LRMDA: variants seen among roughly 807,000 people sequenced by gnomAD.
LRMDA encodes the protein leucine-rich melanocyte differentiation-associated protein.
In LRMDA, 18 loss-of-function variants were observed where a neutral mutation model predicts 29.8. That is an observed-to-expected ratio of 0.60 (90% CI 0.42 to 0.90). The LOEUF (loss-of-function observed/expected upper bound fraction) is 0.90. LRMDA is among the 40% of genes least tolerant of loss of function. The pLI, the probability that LRMDA is intolerant of heterozygous loss-of-function variation, is 0.00. For missense variants in LRMDA, 273 were observed against 273.9 expected, an observed-to-expected ratio of 1.00 and a Z score of 0.02; for synonymous variants, 125 against 109.4, an observed-to-expected ratio of 1.14 and a Z score of -0.89.
intron 2 of LRMDA, among the ~76,000 whole-genome samples, chr10:75,918,449 A>C (rs1412479800): frequency 6.6e-6 from 1 of 152,068 alleles, no homozygotes; most frequent in Non-Finnish European, 1.5e-5. Context: ...GGAGCGAGCG[A>C]GAGAGAGGAG....
chr10:75,671,607 A>T (rs1353937127), intron 2 of LRMDA, among the ~76,000 whole-genome samples: 1 of 152,108 alleles, frequency 6.6e-6, no homozygotes, highest in African/African-American at 2.4e-5. Flanking sequence ...GGGCACAGGG[A>T]GGGCAACATC....
chr10:75,431,982 C>T (rs1844204067), intron 1 of LRMDA, among the ~76,000 whole-genome samples: 1 of 152,214 alleles, frequency 6.6e-6, no homozygotes, highest in African/African-American at 2.4e-5. Flanking sequence ...CGCAAGGTCT[C>T]CCGTTCTCCC....
intron 2 of LRMDA, among the ~76,000 whole-genome samples, chr10:75,835,807 G>C (rs1589223357): frequency 1.3e-5 from 2 of 152,146 alleles, no homozygotes; most frequent in African/African-American, 2.4e-5. Flanking sequence ...ATTGCAATGA[G>C]GTGCTTCTTT....
chr10:75,551,723 AT>A lies in LRMDA; in HGVS notation c.131+113237del, dbSNP rs1244949515. Among the ~76,000 whole-genome samples, 7 of 151,844 alleles carry A rather than the reference AT, an allele frequency of 4.6e-5. No individual in the cohort carries two copies. The South Asian group carries it at 8.3e-4, about 18-fold the overall frequency. On this transcript the variant is annotated intron_variant, in intron 2 of 6. Transcript: ENST00000611255. ...GTATACGTGCCACATTGAGTCAGCT[AT>A]TTTTTTTGAGAGGCTAAAATTAAGA...
intron 2 of LRMDA, among the ~76,000 whole-genome samples, chr10:75,737,635 ACAC>A (rs1842782140): frequency 6.6e-6 from 1 of 152,214 alleles, no homozygotes; most frequent in Non-Finnish European, 1.5e-5. Flanking sequence ...CTTCACAAAT[ACAC>A]CACATGAAAC....
At chr10:75,873,799 G>A (rs1395869900) in intron 2 of LRMDA, among the ~76,000 whole-genome samples, 2 of 152,156 alleles carry the variant, frequency 1.3e-5, no homozygotes, top group Non-Finnish European at 2.9e-5. Context: ...TCCAGCTAAT[G>A]TCATCAGCGG....
chr10:76,400,037 C>T (rs570491506), intron 6 of LRMDA, among the ~76,000 whole-genome samples: 85 of 152,072 alleles, frequency 5.6e-4, no homozygotes, highest in African/African-American at 1.9e-3. Flanking sequence ...AGCAGATTAT[C>T]GAAAAAAGTA....
chr10:75,698,301 A>C (rs1164451970), intron 2 of LRMDA, among the ~76,000 whole-genome samples: 2 of 152,150 alleles, frequency 1.3e-5, no homozygotes, highest in Non-Finnish European at 2.9e-5. Context: ...CAACTCCCTT[A>C]GCATCTCTCG....
intron 5 of LRMDA, among the ~76,000 whole-genome samples, chr10:76,204,209 TGTCCACCCATCTCTATTCCATGTGCCC>T (rs1564684707): frequency 7.5e-6 from 1 of 132,626 alleles, no homozygotes; most frequent in Non-Finnish European, 1.6e-5. Flanking sequence ...TCCATGTGCC[TGTCCACCCATCTCTATTCCATGTGCCC>T]GTCCACCCAT....
chr10:76,010,041 A>G (rs1847748072), intron 2 of LRMDA, among the ~76,000 whole-genome samples: 1 of 152,036 alleles, frequency 6.6e-6, no homozygotes, highest in African/African-American at 2.4e-5. Flanking sequence ...TCCCCAAATC[A>G]GCATAGCAGC....
intron 5 of LRMDA, among the ~76,000 whole-genome samples, chr10:76,253,866 C>A (rs1475560406): frequency 6.6e-6 from 1 of 152,078 alleles, no homozygotes. Flanking sequence ...CATAAGCTCT[C>A]TAGGGCCTCA....
At position 75,563,078 on chromosome 10, in the gene LRMDA, C is replaced by T. The variant is rs562697023; in HGVS notation, c.131+124584C>T. Among the ~76,000 whole-genome samples, 20 of 152,172 alleles carry T rather than the reference C, an allele frequency of 1.3e-4. No homozygotes were observed. In the East Asian group the frequency reaches 3.9e-3, roughly 29 times the overall value. On this transcript the variant is annotated intron_variant, in intron 2 of 6. Coordinates refer to ENST00000611255, the MANE Select transcript of LRMDA (RefSeq NM_001305581.2). ...TTTCTTGAATCTGAATGTTGGCCTG[C>T]CTTGCTAGATTGGGGAAGTTCTCCT...
chr10:75,721,592 A>G (rs1182160004), intron 2 of LRMDA, among the ~76,000 whole-genome samples: 1 of 152,096 alleles, frequency 6.6e-6, no homozygotes, highest in African/African-American at 2.4e-5. Context: ...TGGAACCTGG[A>G]TCTTTAGAAT....
At chr10:75,528,327 G>C (rs921871191) in intron 2 of LRMDA, among the ~76,000 whole-genome samples, 9 of 152,220 alleles carry the variant, frequency 5.9e-5, no homozygotes, top group African/African-American at 2.2e-4. Context: ...TTTGTTGGGA[G>C]CATAAGCCAG....
chr10:76,288,649 C>A (rs562517981), intron 5 of LRMDA, among the ~76,000 whole-genome samples: 1 of 152,302 alleles, frequency 6.6e-6, no homozygotes, highest in African/African-American at 2.4e-5. Context: ...AGCATGGCTT[C>A]CCATAAATTT....
At chr10:75,586,755 T>C (rs1445053421) in intron 2 of LRMDA, among the ~76,000 whole-genome samples, 1 of 152,078 alleles carries the variant, frequency 6.6e-6, no homozygotes, top group Non-Finnish European at 1.5e-5. Context: ...TCATTGGTCA[T>C]TTATATGCTG....
Position 75,581,784 on chromosome 10 carries a change from G to A in LRMDA, c.131+143290G>A, listed in dbSNP as rs536756744. Among the ~76,000 whole-genome samples the A allele has an allele frequency of 2.0e-5, 3 of 152,140 alleles. No individual in the cohort carries two copies. In the East Asian group the frequency reaches 5.8e-4, roughly 29 times the overall value. On this transcript the variant is annotated intron_variant, in intron 2 of 6. Transcript: ENST00000611255. Reference sequence around the variant, plus strand: ...GAACATCACACACCAGGGCCTTTTAGGGGGTGGGGGGCTAGGGGAGGGATA... The same window carrying A: ...GAACATCACACACCAGGGCCTTTTAAGGGGTGGGGGGCTAGGGGAGGGATA...
At chr10:75,720,535 T>C (rs1181541766) in intron 2 of LRMDA, among the ~76,000 whole-genome samples, 1 of 152,220 alleles carries the variant, frequency 6.6e-6, no homozygotes, top group Non-Finnish European at 1.5e-5. Flanking sequence ...CGAAGTTTAC[T>C]TTTTAGCGAG....
At chr10:75,751,401 C>T (rs1181731891) in intron 2 of LRMDA, among the ~76,000 whole-genome samples, 1 of 152,050 alleles carries the variant, frequency 6.6e-6, no homozygotes, top group Non-Finnish European at 1.5e-5. Context: ...AATATAGAAA[C>T]TTTAACCTGC....
Sources: gnomAD v4.1 joint callset for allele counts (sites outside exome capture counted in the v4.1 genomes callset) on GRCh38, gnomAD v4.1.1 for gene constraint, MANE v1.5 for transcripts, NCBI Gene and HGNC (gene_info 2026-07-23, HGNC 2026-07-21) for gene names.